Variants in PHLDB2 observed in about 807,000 individuals in gnomAD.
PHLDB2 encodes pleckstrin homology like domain family B member 2.
PHLDB2 carries 71 observed loss-of-function variants against 123.6 expected under a neutral mutation model. The observed-to-expected ratio is 0.57, with a 90% CI of 0.47 to 0.70. The LOEUF (loss-of-function observed/expected upper bound fraction) is 0.70. Ranked by LOEUF, PHLDB2 falls within the 30% of genes least tolerant of loss-of-function variation. The probability of loss-of-function intolerance (pLI) is 0.00; values close to 1 mark genes in which losing one functional copy is unlikely to be tolerated. For synonymous variants in PHLDB2, 547 were observed against 541.6 expected (o/e 1.01, Z -0.14); for missense variants, 1,446 against 1,519.5 (o/e 0.95, Z 0.80).
At chr3:111,792,276 TTC>T (rs1423939588) in intron 1 of PHLDB2, among the ~76,000 whole-genome samples, 3 of 152,028 alleles carry the variant, frequency 2.0e-5, no homozygotes, top group African/African-American at 7.2e-5. Flanking sequence ...CATTTTATAA[TTC>T]TGATATGTAT....
At chr3:111,972,515 A>T (rs757206269) in intron 16 of PHLDB2, among the ~76,000 whole-genome samples, 1 of 127,098 alleles carries the variant, frequency 7.9e-6, no homozygotes, top group African/African-American at 2.6e-5. Context: ...TTATCATTAC[A>T]AAAGTTCTGA....
chr3:111,969,997 G>A lies in PHLDB2; in HGVS notation c.3535+88G>A, dbSNP rs191484622. 1,116 of 1,245,138 alleles carry A rather than the reference G, an allele frequency of 9.0e-4. 3 individuals carry two copies. Among genetic ancestry groups the A allele is most frequent in the Middle Eastern group, 2.8e-3 (15 of 5,272 alleles). The allele number at this position is 1,245,138 out of a possible 1,614,324, so 77.1% of individuals were successfully genotyped here. ...GGCAATTGAAATTCAGTGTAAATAG[G>A]TAGGTTGATACATAACAGAATTAAT... On this transcript the variant is annotated intron_variant, in intron 16 of 17. Transcript: ENST00000431670.
chr3:111,867,552 A>AC (rs1479756750), intron 1 of PHLDB2, among the ~76,000 whole-genome samples: 1 of 152,168 alleles, frequency 6.6e-6, no homozygotes, highest in Non-Finnish European at 1.5e-5. Context: ...CAGATTCCAA[A>AC]CATCATCATA....
chr3:111,944,743 C>T (rs1477632046), intron 8 of PHLDB2, among the ~76,000 whole-genome samples: 2 of 152,064 alleles, frequency 1.3e-5, no homozygotes, highest in African/African-American at 2.4e-5. Context: ...TGCAGTGGCG[C>T]GATCTCGGCT....
intron 1 of PHLDB2, among the ~76,000 whole-genome samples, chr3:111,804,487 GTAAA>G (rs1403301037): frequency 6.6e-6 from 1 of 152,190 alleles, no homozygotes; most frequent in African/African-American, 2.4e-5. Flanking sequence ...ATGCAAAAAA[GTAAA>G]TGATGATGCT....
At chr3:111,837,854 T>G (rs2063487129) in intron 1 of PHLDB2, among the ~76,000 whole-genome samples, 1 of 152,012 alleles carries the variant, frequency 6.6e-6, no homozygotes, top group South Asian at 2.1e-4. Flanking sequence ...ACCAGCCTGG[T>G]CAACATGGCA....
At chr3:111,819,575 G>C (rs959554087) in intron 1 of PHLDB2, among the ~76,000 whole-genome samples, 1 of 152,138 alleles carries the variant, frequency 6.6e-6, no homozygotes, top group African/African-American at 2.4e-5. Flanking sequence ...TTCTTTTTGA[G>C]AGAATTTGTA....
At chr3:111,766,852 G>C (rs1191444860) in intron 1 of PHLDB2, among the ~76,000 whole-genome samples, 1 of 152,014 alleles carries the variant, frequency 6.6e-6, no homozygotes, top group Non-Finnish European at 1.5e-5. Flanking sequence ...GGCCAACATA[G>C]TGAAACCCCA....
chr3:111,875,294 A>G (rs1386752824), intron 1 of PHLDB2, among the ~76,000 whole-genome samples: 1 of 151,202 alleles, frequency 6.6e-6, no homozygotes, highest in African/African-American at 2.4e-5. Context: ...GATTACAGGC[A>G]TGCACCACCA....
At chr3:111,949,131 C>T in intron 10 of PHLDB2, 56 bp downstream of exon 10, 1 of 1,588,934 alleles carries the variant, frequency 6.3e-7, no homozygotes, top group Non-Finnish European at 8.6e-7. Flanking sequence ...CAGAAATTAA[C>T]CCACGGCCAA....
chr3:111,898,168 GTGTGTGTGTGTGTT>G (rs1297142021), intron 2 of PHLDB2, among the ~76,000 whole-genome samples: 8 of 128,824 alleles, frequency 6.2e-5, no homozygotes, highest in East Asian at 2.3e-4. Flanking sequence ...TTCTTTGTGT[GTGTGTGTGTGTGTT>G]TGTGTGTGTG....
At chr3:111,925,909 T>C (rs975545098) in intron 5 of PHLDB2, among the ~76,000 whole-genome samples, 1 of 152,266 alleles carries the variant, frequency 6.6e-6, no homozygotes, top group African/African-American at 2.4e-5. Context: ...TGCTTCTTTT[T>C]AGCGCACAAA....
intron 1 of PHLDB2, among the ~76,000 whole-genome samples, chr3:111,818,257 G>A (rs1317374023): frequency 6.6e-6 from 1 of 151,800 alleles, no homozygotes; most frequent in Non-Finnish European, 1.5e-5. Flanking sequence ...TGGAAATGGA[G>A]AGATGATAGA....
At chr3:111,782,547 C>A (rs995313893) in intron 1 of PHLDB2, among the ~76,000 whole-genome samples, 6 of 152,056 alleles carry the variant, frequency 3.9e-5, no homozygotes, top group African/African-American at 9.7e-5. Context: ...ATAAGCTTGG[C>A]AAATTCTTTC....
At chr3:111,869,650 A>G (rs1378056490) in intron 1 of PHLDB2, among the ~76,000 whole-genome samples, 3 of 152,002 alleles carry the variant, frequency 2.0e-5, no homozygotes, top group Non-Finnish European at 4.4e-5. Context: ...AGTCACAAAA[A>G]GCCTTTGTGT....
chr3:111,860,007 A>G lies in PHLDB2; in HGVS notation c.-15+431A>G, dbSNP rs1576915605. ...GTGGGGGTGGCGAACCCCGTTGTGC[A>G]TGACTCTCGGGGGGCTGGGTAGATC... is the stretch of plus-strand genomic sequence containing the variant. On this transcript the variant is annotated intron_variant, in intron 1 of 17. Coordinates refer to ENST00000431670, the MANE Select transcript of PHLDB2 (RefSeq NM_001134438.2). 3 of 591,462 alleles carry G rather than the reference A, an allele frequency of 5.1e-6. No homozygotes were observed. In the South Asian group the frequency reaches 2.2e-4, roughly 44 times the overall value. 36.6% of individuals were successfully genotyped at this position (591,462 alleles called of 1,614,324 possible).
chr3:111,909,722 C>T (rs1168967757), intron 2 of PHLDB2, among the ~76,000 whole-genome samples: 1 of 151,652 alleles, frequency 6.6e-6, no homozygotes, highest in East Asian at 1.9e-4. Flanking sequence ...ACATTGAAGT[C>T]CTGGGGCTAA....
intron 1 of PHLDB2, among the ~76,000 whole-genome samples, chr3:111,759,774 C>T (rs1576528963): frequency 6.6e-6 from 1 of 152,162 alleles, no homozygotes; most frequent in East Asian, 1.9e-4. Flanking sequence ...TGTCTAAGGG[C>T]ACACAGCTTA....
At chr3:111,845,950 G>C in intron 2 of PHLDB2, 1 of 1,610,346 alleles carries the variant, frequency 6.2e-7, no homozygotes, top group Non-Finnish European at 8.5e-7. Flanking sequence ...GAACTTTATT[G>C]TCAGAGGTTT....
Sources: gnomAD v4.1 joint callset for allele counts (sites outside exome capture counted in the v4.1 genomes callset) on GRCh38, gnomAD v4.1.1 for gene constraint, MANE v1.5 for transcripts, NCBI Gene and HGNC (gene_info 2026-07-23, HGNC 2026-07-21) for gene names.